The following ZNF880 variants were observed in gnomAD, a reference collection of about 807,000 sequenced individuals.
ZNF880 encodes the protein zinc finger protein 880.
ZNF880 carries 12 observed loss-of-function variants against 11.8 expected under a neutral mutation model. The observed-to-expected ratio is 1.02, with a 90% confidence interval of 0.65 to 1.65. The LOEUF (loss-of-function observed/expected upper bound fraction) is 1.65, where lower values mean the gene tolerates loss of function less well. Ranked by LOEUF, ZNF880 falls within the 40% of genes most tolerant of loss-of-function variation. The pLI, the probability that ZNF880 is intolerant of heterozygous loss-of-function variation, is 0.00. For synonymous variants in ZNF880, 210 were observed against 232.4 expected (o/e 0.90, Z 0.88); for missense variants, 601 against 673.9 (o/e 0.89, Z 1.20).
At position 52,384,947 on chromosome 19, in the gene ZNF880, G is replaced by C. The variant is rs1031848817; in HGVS notation, c.1367G>C (p.Arg456Thr). 1.8e-5 allele frequency: 29 copies of C among 1,581,152 alleles called. No individual in the cohort carries two copies. The highest frequency in any genetic ancestry group is 2.5e-5 in the Non-Finnish European group (29 of 1,162,556). ...RHRLSLSNHQ[R>T]FHTGEKPYRC... ...AGATTATCCCTAAGCAATCATCAGA[G>C]ATTTCATACTGGAGAGAAACCTTAC... The change falls in exon 4 of 4, where the codon AGA becomes ACA. Residue 456 changes from arginine to threonine, a missense_variant. By Grantham distance (71) the Arg-to-Thr change is moderately conservative. Around this residue, in one of 3 missense-constraint regions of ZNF880, gnomAD observed 177 missense variants for 214.5 expected, o/e 0.83. Transcript: ENST00000422689.
chr19:52,382,110 C>A lies in ZNF880; in HGVS notation c.269-1739C>A, dbSNP rs531823765. Reference sequence around the variant, plus strand: ...CTGACATGGCGAAACCCCGTCTCTACTAAAAATACAAAAATTAGCCAGGTG... The same window carrying A: ...CTGACATGGCGAAACCCCGTCTCTAATAAAAATACAAAAATTAGCCAGGTG... On this transcript the variant is annotated intron_variant, in intron 3 of 3. Transcript: ENST00000422689. Among the ~76,000 whole-genome samples the A allele has an allele frequency of 6.6e-5, 10 of 152,068 alleles. No individual in the cohort carries two copies. In the East Asian group the frequency reaches 1.9e-3, roughly 30 times the overall value.
At chr19:52,395,421 G>C in the ZNF880 span, 1 of 152,132 alleles carries the variant, frequency 6.6e-6, no homozygotes, top group African/African-American at 2.4e-5. Context: ...TTTCCATACT[G>C]ACCGCAGTAT....
chr19:52,369,906 C>G, upstream of ZNF880: 1 of 1,551,266 alleles, frequency 6.4e-7, no homozygotes, highest in Non-Finnish European at 8.7e-7. Flanking sequence ...CTCGCCTCGC[C>G]TCTCAGCTGC....
the ZNF880 span, chr19:52,397,354 T>C: frequency 6.6e-6 from 1 of 152,172 alleles, no homozygotes; most frequent in Non-Finnish European, 1.5e-5. Context: ...GGCAGGGTTT[T>C]GCATTTCACA....
intron 3 of ZNF880, chr19:52,374,682 G>T (rs1274793220): frequency 3.2e-6 from 2 of 628,518 alleles, no homozygotes; most frequent in South Asian, 1.8e-5. Flanking sequence ...GCAAGTGAGA[G>T]AATTCTTTGG....
At chr19:52,390,385 C>A (rs561123417), downstream of ZNF880, 4 of 389,354 alleles carry the variant, frequency 1.0e-5, 1 homozygote, top group Admixed American at 1.1e-4. Flanking sequence ...GACCCTGCCC[C>A]TCTCCTGACT....
Position 52,382,706 on chromosome 19 carries a change from GTTTC to G in ZNF880, c.269-1139_269-1136del, listed in dbSNP as rs567249997. On this transcript the variant is annotated intron_variant, in intron 3 of 3. Transcript: ENST00000422689. ...CTTTTTTGTTGCTGCTATCAAGACT[GTTTC>G]TTTGTCTTTGACTTTTGATAATTTC... Among the ~76,000 whole-genome samples the G allele has an allele frequency of 5.3e-3, 805 of 152,226 alleles. 2 individuals carry two copies. Among genetic ancestry groups the G allele is most frequent in the Middle Eastern group, 0.014 (4 of 294 alleles).
the ZNF880 span, chr19:52,395,588 C>A: frequency 6.6e-6 from 1 of 152,166 alleles, no homozygotes; most frequent in Non-Finnish European, 1.5e-5. Context: ...ACATACAGAT[C>A]GGCAGATACC....
At chr19:52,370,208 G>A (rs780732) in intron 1 of ZNF880, 459,888 of 575,682 alleles carry the variant, frequency 0.8, 185,047 homozygotes, top group African/African-American at 0.87. Context: ...GACAGCTCCT[G>A]TCGCGGAGTT....
chr19:52,389,077 C>T (rs953869213), downstream of ZNF880: 1 of 152,168 alleles, frequency 6.6e-6, no homozygotes, highest in African/African-American at 2.4e-5. Context: ...CCCCCGGGTC[C>T]CTCCCACATG....
In ZNF880 at chr19:52,384,495, C is replaced by T. The variant is rs1349862744; in HGVS notation, c.915C>T (p.Phe305=). ...PYKCNECGKV[F]NRNAHLARHQ... The stretch of plus-strand genomic sequence containing the variant: ...AATGTAATGAGTGTGGCAAGGTCTT[C>T]AACAGAAATGCACACCTTGCACGAC... Residue 305 remains phenylalanine (F), a synonymous_variant, in exon 4 of 4, where the codon TTC becomes TTT. Transcript: ENST00000422689. The T allele has an allele frequency of 1.2e-6, 2 of 1,613,928 alleles. No individual in the cohort carries two copies. The highest frequency in any genetic ancestry group is 8.5e-7 in the Non-Finnish European group (1 of 1,179,956).
Position 52,374,439 on chromosome 19 carries a change from G to T in ZNF880, c.268+12G>T, listed in dbSNP as rs1347167317. On this transcript the variant is annotated intron_variant, in intron 3 of 3. Coordinates refer to ENST00000422689, the MANE Select transcript of ZNF880 (RefSeq NM_001145434.2). ...AGGTGTGAACGCAGGTAAGAGCTTG[G>T]ATGGCCAGAGTGGAGGCCCCATAAT... 6 of 1,608,036 alleles carry T rather than the reference G, an allele frequency of 3.7e-6. No homozygotes were observed. In the African/African-American group the frequency reaches 6.7e-5, roughly 18 times the overall value.
Position 52,384,351 on chromosome 19 carries a change from ACAT to A in ZNF880, c.774_776del (p.His258del). ...TCAATCGAATTTCACTCCTTGCACGACATCAGAGAATACATACTGGAGAGAAAC... is the reference window on the plus strand; with the variant it reads ...TCAATCGAATTTCACTCCTTGCACGACAGAGAATACATACTGGAGAGAAAC... On this transcript the variant is annotated inframe_deletion, in exon 4 of 4. Transcript: ENST00000422689. 2.5e-6 allele frequency: 4 copies of A among 1,612,316 alleles called. No individual in the cohort carries two copies. Among genetic ancestry groups the A allele is most frequent in the Non-Finnish European group, 3.4e-6 (4 of 1,179,414 alleles).
chr19:52,390,901 CAGCCTGGGCGACGAGCAAA>C, the ZNF880 span: 10 of 153,092 alleles, frequency 6.5e-5, no homozygotes, highest in African/African-American at 2.4e-4. Flanking sequence ...CATTGCACTC[CAGCCTGGGCGACGAGCAAA>C]ACTCCATCTC....
At chr19:52,370,314 G>T in intron 1 of ZNF880, 1 of 346,554 alleles carries the variant, frequency 2.9e-6, no homozygotes, top group Non-Finnish European at 5.4e-6. Context: ...GGTCCCCCAA[G>T]CCTCGCCCTC....
chr19:52,375,793 G>A (rs1209845361), intron 3 of ZNF880, among the ~76,000 whole-genome samples: 1 of 151,976 alleles, frequency 6.6e-6, no homozygotes, highest in African/African-American at 2.4e-5. Context: ...TGCTCTGCCT[G>A]CCAAGTCACT....
downstream of ZNF880, chr19:52,390,433 T>G (rs1293465915): frequency 1.8e-5 from 6 of 325,394 alleles, no homozygotes; most frequent in Admixed American, 3.6e-5. Flanking sequence ...GGGGCCCTTC[T>G]GCTCCCCAGG....
chr19:52,391,788 T>C, the ZNF880 span, among the ~76,000 whole-genome samples: 1 of 152,214 alleles, frequency 6.6e-6, no homozygotes, highest in East Asian at 1.9e-4. Context: ...GGCAGTGACT[T>C]GACTCATTCA....
At chr19:52,376,506 C>G (rs1353907589) in intron 3 of ZNF880, among the ~76,000 whole-genome samples, 11 of 69,662 alleles carry the variant, frequency 1.6e-4, no homozygotes, top group African/African-American at 3.1e-4. Context: ...GCCCCCCCCC[C>G]CCCTTTTTTT....
Sources: gnomAD v4.1 joint callset for allele counts (sites outside exome capture counted in the v4.1 genomes callset) on GRCh38, gnomAD v4.1.1 for gene constraint, gnomAD v4.1.1 regional missense constraint, MANE v1.5 for transcripts, NCBI Gene and HGNC (gene_info 2026-07-23, HGNC 2026-07-21) for gene names.